Variants in VTI1A observed in about 807,000 individuals in gnomAD.
VTI1A encodes the protein vesicle transport through interaction with t-SNAREs homolog 1A.
A neutral mutation model predicts 34.9 loss-of-function variants in VTI1A; 22 were observed. That is an observed-to-expected ratio of 0.63 (90% confidence interval 0.45 to 0.90). The LOEUF (loss-of-function observed/expected upper bound fraction) is 0.90, where lower values mean the gene tolerates loss of function less well. Among genes scored for constraint, VTI1A ranks in the 40% least tolerant of loss-of-function variants. The pLI is 0.00. For synonymous variants in VTI1A, 87 were observed against 97.3 expected (o/e 0.89, Z 0.62); for missense variants, 268 against 275.6 (o/e 0.97, Z 0.20).
At chr10:112,724,794 A>T (rs1314741762) in intron 7 of VTI1A, among the ~76,000 whole-genome samples, 1 of 151,502 alleles carries the variant, frequency 6.6e-6, no homozygotes. Context: ...TTGAAAAAAA[A>T]AAAAAGAAAA....
At chr10:112,559,862 TA>T (rs1417040278) in intron 5 of VTI1A, among the ~76,000 whole-genome samples, 1 of 152,034 alleles carries the variant, frequency 6.6e-6, no homozygotes, top group Non-Finnish European at 1.5e-5. Flanking sequence ...TTGGGGGAAA[TA>T]AAGTTATGAT....
chr10:112,814,686 T>C, intron 7 of VTI1A, among the ~76,000 whole-genome samples: 1 of 152,250 alleles, frequency 6.6e-6, no homozygotes, highest in South Asian at 2.1e-4. Flanking sequence ...TTTCCATCTT[T>C]TTTGCTATGG....
chr10:112,715,090 T>A (rs889370665), intron 7 of VTI1A, among the ~76,000 whole-genome samples: 3 of 152,204 alleles, frequency 2.0e-5, no homozygotes, highest in Admixed American at 6.5e-5. Flanking sequence ...GTCATTTTTT[T>A]TAATATTTGG....
At chr10:112,613,195 C>A (rs893508328) in intron 5 of VTI1A, among the ~76,000 whole-genome samples, 2 of 152,048 alleles carry the variant, frequency 1.3e-5, no homozygotes, top group African/African-American at 2.4e-5. Flanking sequence ...TTATACCATT[C>A]AATATACTAT....
At chr10:112,736,847 C>G (rs1380090888) in intron 7 of VTI1A, 5 of 975,030 alleles carry the variant, frequency 5.1e-6, no homozygotes, top group Non-Finnish European at 8.0e-6. Context: ...ACTGAAAGAG[C>G]TGCCCTGGAC....
At chr10:112,797,271 A>G (rs1417051325) in intron 7 of VTI1A, among the ~76,000 whole-genome samples, 1 of 152,154 alleles carries the variant, frequency 6.6e-6, no homozygotes, top group East Asian at 1.9e-4. Flanking sequence ...TAAAGCATCT[A>G]AAAAAACAAA....
chr10:112,542,177 G>C (rs1330081562), intron 5 of VTI1A, among the ~76,000 whole-genome samples: 1 of 152,122 alleles, frequency 6.6e-6, no homozygotes, highest in African/African-American at 2.4e-5. Flanking sequence ...AAAACTAATG[G>C]GAGCTGTATT....
chr10:112,630,087 T>C (rs1326170971), intron 5 of VTI1A, among the ~76,000 whole-genome samples: 7 of 152,230 alleles, frequency 4.6e-5, no homozygotes, highest in African/African-American at 9.6e-5. Context: ...TCGTTCCCAA[T>C]TGATCAAAAG....
chr10:112,500,794 C>T (rs1849207299), intron 3 of VTI1A, among the ~76,000 whole-genome samples: 1 of 152,176 alleles, frequency 6.6e-6, no homozygotes, highest in African/African-American at 2.4e-5. Flanking sequence ...TCACCCTTTG[C>T]CCATACATGC....
chr10:112,589,224 A>G (rs1337878546), intron 5 of VTI1A, among the ~76,000 whole-genome samples: 4 of 152,084 alleles, frequency 2.6e-5, no homozygotes, highest in African/African-American at 4.8e-5. Context: ...CACTCCCATT[A>G]TTCCCACGTG....
chr10:112,620,957 C>G (rs1413253563), intron 5 of VTI1A, among the ~76,000 whole-genome samples: 8 of 152,100 alleles, frequency 5.3e-5, no homozygotes, highest in Admixed American at 5.2e-4. Context: ...TTGGCAGAGC[C>G]TTTGATTATA....
chr10:112,676,440 T>C (rs567289420), intron 7 of VTI1A, among the ~76,000 whole-genome samples: 1 of 152,290 alleles, frequency 6.6e-6, no homozygotes, highest in African/African-American at 2.4e-5. Flanking sequence ...TCTTTTGCCC[T>C]TTTGAATATT....
At chr10:112,641,359 C>T (rs1334340990) in intron 5 of VTI1A, among the ~76,000 whole-genome samples, 1 of 152,154 alleles carries the variant, frequency 6.6e-6, no homozygotes, top group Non-Finnish European at 1.5e-5. Context: ...ACAGAATAGC[C>T]ACTTTCCTTA....
rs140141046 is a variant in VTI1A at position 112,745,733 on chromosome 10, T to C, written c.561-69557T>C. Reference sequence around the variant, plus strand: ...CGTCCTAACCATGCATTGCAGTTACTGTATCTTATTTTTACAAAGATATTT... The same window carrying C: ...CGTCCTAACCATGCATTGCAGTTACCGTATCTTATTTTTACAAAGATATTT... On this transcript the variant is annotated intron_variant, in intron 7 of 7. Coordinates refer to ENST00000393077, the MANE Select transcript of VTI1A (RefSeq NM_145206.4). Among the ~76,000 whole-genome samples the C allele has an allele frequency of 8.5e-4, 129 of 152,352 alleles. 1 individual carries two copies. The highest frequency in any genetic ancestry group is 3.1e-3 in the African/African-American group (128 of 41,584).
intron 5 of VTI1A, among the ~76,000 whole-genome samples, chr10:112,608,377 G>A (rs776801065): frequency 6.6e-6 from 1 of 152,144 alleles, no homozygotes; most frequent in Non-Finnish European, 1.5e-5. Context: ...GAACATTTAT[G>A]GGGTTTTTGA....
intron 5 of VTI1A, among the ~76,000 whole-genome samples, chr10:112,595,048 C>G (rs1844568583): frequency 6.8e-6 from 1 of 147,086 alleles, no homozygotes; most frequent in Non-Finnish European, 1.5e-5. Context: ...CTGAGAAAAA[C>G]AAGCAATGGG....
intron 7 of VTI1A, among the ~76,000 whole-genome samples, chr10:112,697,722 A>G (rs1848846359): frequency 6.6e-6 from 1 of 152,156 alleles, no homozygotes; most frequent in Admixed American, 6.6e-5. Flanking sequence ...TAAAAAGAAT[A>G]TGTAATTATA....
chr10:112,545,938 TTGC>T (rs1851067356), intron 5 of VTI1A, among the ~76,000 whole-genome samples: 1 of 151,882 alleles, frequency 6.6e-6, no homozygotes. Context: ...TTTGTGTATT[TTGC>T]ATGTATATGT....
At chr10:112,447,114 C>G (rs1846851559), upstream of VTI1A, 3 of 499,022 alleles carry the variant, frequency 6.0e-6, no homozygotes, top group Non-Finnish European at 1.1e-5. Context: ...GGGGGAGGCA[C>G]TAATTGGGGC....
Sources: allele counts gnomAD v4.1 joint callset (sites outside exome capture counted in the v4.1 genomes callset), GRCh38; gene constraint gnomAD v4.1.1; transcripts MANE v1.5; gene names NCBI Gene and HGNC (gene_info 2026-07-23, HGNC 2026-07-21).